The following LARGE1 variants were observed in gnomAD, a reference collection of about 807,000 sequenced individuals.
LARGE1 encodes the protein xylosyl- and glucuronyltransferase LARGE1.
A neutral mutation model predicts 87.6 loss-of-function variants in LARGE1; 43 were observed. The ratio of observed to expected loss-of-function variants is 0.49; its 90% CI spans 0.38 to 0.63. The LOEUF is 0.63. LARGE1 is among the 30% of genes least tolerant of loss of function. LARGE1 has a pLI of 0.00. For synonymous variants in LARGE1, 434 were observed against 394.6 expected (o/e 1.10, Z -1.18); for missense variants, 802 against 1,000.2 (o/e 0.80, Z 2.67).
intron 11 of LARGE1, among the ~76,000 whole-genome samples, chr22:33,224,330 T>C (rs1339577080): frequency 9.5e-6 from 1 of 105,382 alleles, no homozygotes; most frequent in East Asian, 2.6e-4. Context: ...ATAAATGCCC[T>C]GTATGACTAG....
downstream of LARGE1, among the ~76,000 whole-genome samples, chr22:33,268,648 C>T (rs867594263): frequency 6.6e-6 from 1 of 151,370 alleles, no homozygotes; most frequent in Non-Finnish European, 1.5e-5. Flanking sequence ...AGGATGGTCT[C>T]GATCTCCTGA....
chr22:33,338,399 T>A (rs1412635834), intron 9 of LARGE1, among the ~76,000 whole-genome samples: 1 of 152,106 alleles, frequency 6.6e-6, no homozygotes, highest in African/African-American at 2.4e-5. Flanking sequence ...TGATGCTGCC[T>A]CTGGAATCGG....
At chr22:33,874,842 T>A (rs1319218842) in intron 1 of LARGE1, among the ~76,000 whole-genome samples, 1 of 152,222 alleles carries the variant, frequency 6.6e-6, no homozygotes, top group African/African-American at 2.4e-5. Flanking sequence ...TACATGTGTA[T>A]GGAGCCACTG....
chr22:33,915,852 C>T (rs2065771852), intron 1 of LARGE1, among the ~76,000 whole-genome samples: 1 of 152,180 alleles, frequency 6.6e-6, no homozygotes, highest in South Asian at 2.1e-4. Flanking sequence ...GACTATTCTC[C>T]ATACACACCA....
intron 11 of LARGE1, 89 bp from the exon 12 acceptor site, chr22:33,304,596 A>T: frequency 1.5e-6 from 2 of 1,344,580 alleles, no homozygotes; most frequent in Non-Finnish European, 2.0e-6. Context: ...CTCCAGTGAC[A>T]CTTGATCAAC....
the LARGE1 span, among the ~76,000 whole-genome samples, chr22:33,143,446 A>T: frequency 6.6e-6 from 1 of 152,188 alleles, no homozygotes; most frequent in Non-Finnish European, 1.5e-5. Flanking sequence ...AGGACAGGTA[A>T]GAAGATGGTC....
At chr22:33,189,013 G>C (rs557055694) in intron 11 of LARGE1, among the ~76,000 whole-genome samples, 1 of 152,058 alleles carries the variant, frequency 6.6e-6, no homozygotes, top group Non-Finnish European at 1.5e-5. Context: ...CTCAGCCAGG[G>C]TTGGGTGCCC....
At chr22:33,874,392 T>C (rs1374903603) in intron 1 of LARGE1, among the ~76,000 whole-genome samples, 1 of 152,164 alleles carries the variant, frequency 6.6e-6, no homozygotes, top group Non-Finnish European at 1.5e-5. Flanking sequence ...GCCGCTTTGA[T>C]CTGACCTCAC....
rs2086576420 is a variant in LARGE1, at chr22:33,813,995, GA to G, written c.-82-52438del. On this transcript the variant is annotated intron_variant, in intron 1 of 14. Transcript: ENST00000397394. Reference sequence around the variant, plus strand: ...TAAATATTAATTTTTCCTGTTTAGAGAAAAAACTTTAAAAAGCATCACTGAA... The same window carrying G: ...TAAATATTAATTTTTCCTGTTTAGAGAAAAACTTTAAAAAGCATCACTGAA... Among the ~76,000 whole-genome samples the G allele has an allele frequency of 4.6e-5, 7 of 152,162 alleles. No individual in the cohort carries two copies. The South Asian group carries it at 1.5e-3, about 32-fold the overall frequency.
chr22:33,335,076 A>G (rs1938279159), intron 10 of LARGE1, among the ~76,000 whole-genome samples: 1 of 152,256 alleles, frequency 6.6e-6, no homozygotes, highest in Non-Finnish European at 1.5e-5. Context: ...TGACGGCTTC[A>G]TCCTGCAAGG....
chr22:33,865,492 T>A (rs905248739), intron 1 of LARGE1, among the ~76,000 whole-genome samples: 5 of 152,190 alleles, frequency 3.3e-5, no homozygotes, highest in African/African-American at 1.2e-4. Flanking sequence ...TTCGCAAGCC[T>A]GCATATAGGT....
At chr22:33,634,169 T>C (rs936776733) in intron 3 of LARGE1, among the ~76,000 whole-genome samples, 3 of 152,222 alleles carry the variant, frequency 2.0e-5, no homozygotes, top group African/African-American at 7.2e-5. Flanking sequence ...GACTTCATCC[T>C]CTGTATAATG....
chr22:33,887,663 G>A (rs2064892652), intron 1 of LARGE1, among the ~76,000 whole-genome samples: 1 of 152,016 alleles, frequency 6.6e-6, no homozygotes, highest in African/African-American at 2.4e-5. Context: ...GCTTGAGCCT[G>A]GAGGTGGAGG....
At chr22:33,089,788 T>A in the LARGE1 span, among the ~76,000 whole-genome samples, 2 of 151,946 alleles carry the variant, frequency 1.3e-5, no homozygotes, top group African/African-American at 4.8e-5. Context: ...AGAGCCACCA[T>A]GCCTGACCTT....
At chr22:33,599,365 T>A (rs2079058048) in intron 5 of LARGE1, among the ~76,000 whole-genome samples, 1 of 150,394 alleles carries the variant, frequency 6.6e-6, no homozygotes, top group South Asian at 2.1e-4. Flanking sequence ...TACGCAAAAA[T>A]AAGTTTTCCT....
At chr22:33,177,742 C>T (rs1427587636) in intron 11 of LARGE1, among the ~76,000 whole-genome samples, 1 of 152,200 alleles carries the variant, frequency 6.6e-6, no homozygotes, top group Non-Finnish European at 1.5e-5. Context: ...AAAGGATCAA[C>T]TCAGAATCAC....
intron 9 of LARGE1, among the ~76,000 whole-genome samples, chr22:33,362,648 C>T (rs76351052): frequency 0.013 from 1,926 of 149,938 alleles, 148 homozygotes; most frequent in African/African-American, 0.045. Flanking sequence ...AGGTGTTTTT[C>T]TATCTTGTGT....
the LARGE1 span, among the ~76,000 whole-genome samples, chr22:33,156,440 G>A: frequency 6.6e-6 from 1 of 152,190 alleles, no homozygotes; most frequent in African/African-American, 2.4e-5. Context: ...GGAGTCAAAG[G>A]AGATTATTTT....
chr22:33,631,157 G>C (rs111424683), intron 3 of LARGE1, among the ~76,000 whole-genome samples: 32 of 46,038 alleles, frequency 7.0e-4, no homozygotes, highest in Non-Finnish European at 9.2e-4. Context: ...CCAGCCAACT[G>C]TCTATTTTTT....
Sources: allele counts gnomAD v4.1 joint callset (sites outside exome capture counted in the v4.1 genomes callset), GRCh38; gene constraint gnomAD v4.1.1; transcripts MANE v1.5; gene names NCBI Gene and HGNC (gene_info 2026-07-23, HGNC 2026-07-21).